Variants in NAV3 observed in about 807,000 individuals in gnomAD.
NAV3 encodes pore membrane and/or filament interacting like protein 1.
A neutral mutation model predicts 244.7 loss-of-function variants in NAV3; 87 were observed. The observed-to-expected ratio is 0.36, with a 90% CI of 0.30 to 0.42. The LOEUF is 0.42. NAV3 is among the 20% of genes least tolerant of loss of function. NAV3 has a pLI of 1.00. For missense variants in NAV3, 2,663 were observed against 2,893.3 expected (o/e 0.92, Z 1.83); for synonymous variants, 1,126 against 1,042.2 (o/e 1.08, Z -1.55).
rs543353920 is a variant in NAV3, at chr12:77,621,688, C to T, written c.72+49422C>T. Reference sequence around the variant, plus strand: ...AGAGACGGGGTTTCACCATGTTGGCCAGAATGGTCTTGATCTCTTGACCTT... The same window carrying T: ...AGAGACGGGGTTTCACCATGTTGGCTAGAATGGTCTTGATCTCTTGACCTT... On this transcript the variant is annotated intron_variant, in intron 2 of 8. Coordinates refer to the NAV3 transcript ENST00000550042. Among the ~76,000 whole-genome samples the T allele has an allele frequency of 1.3e-3, 205 of 152,040 alleles. 1 individual carries two copies. Among genetic ancestry groups the T allele is most frequent in the Middle Eastern group, 0.01 (3 of 294 alleles).
chr12:77,954,948 A>G (rs187101142), intron 3 of NAV3, among the ~76,000 whole-genome samples: 1 of 152,230 alleles, frequency 6.6e-6, no homozygotes, highest in African/African-American at 2.4e-5. Flanking sequence ...ATTAAAGCAC[A>G]CGTTTAGATC....
intron 2 of NAV3, among the ~76,000 whole-genome samples, chr12:77,710,068 T>C (rs1431595157): frequency 6.6e-6 from 1 of 152,166 alleles, no homozygotes; most frequent in African/African-American, 2.4e-5. Context: ...GTCTTAGAAA[T>C]CCACATTTTG....
intron 2 of NAV3, among the ~76,000 whole-genome samples, chr12:77,623,297 G>A (rs542934021): frequency 6.6e-6 from 1 of 152,254 alleles, no homozygotes; most frequent in African/African-American, 2.4e-5. Flanking sequence ...TTTACCCAGT[G>A]TTTCTTAAGG....
chr12:77,711,024 C>G (rs1278826212), intron 2 of NAV3, among the ~76,000 whole-genome samples: 2 of 152,190 alleles, frequency 1.3e-5, no homozygotes, highest in African/African-American at 2.4e-5. Context: ...TGAATTAAAA[C>G]ACTCTTTAAG....
Position 78,177,301 on chromosome 12 carries a change from A to G in NAV3, c.5285A>G (p.Gln1762Arg). ...GGCTCAGCATCCATGAAGCCCTCAC[A>G]ATCTGCTTCAGCGTAAGTTGCTCCT... ...DCGSASMKPS[Q>R]SASASPLVWP... is the part of the protein sequence containing the mutation. The change falls in exon 27 of 40, where the codon CAA becomes CGA. Residue 1762 changes from glutamine (Q) to arginine (R), a missense_variant. Around this residue, in one of 6 missense-constraint regions of NAV3, gnomAD observed 193 missense variants for 200.7 expected, o/e 0.96. Transcript: ENST00000397909. The G allele has an allele frequency of 6.2e-7, 1 of 1,609,488 alleles. No homozygotes were observed. Among genetic ancestry groups the G allele is most frequent in the South Asian group, 1.1e-5 (1 of 89,766 alleles).
chr12:78,078,987 T>G (rs142303244), intron 12 of NAV3, among the ~76,000 whole-genome samples: 92 of 152,360 alleles, frequency 6.0e-4, no homozygotes, highest in African/African-American at 2.1e-3. Context: ...CCACTTGACT[T>G]GGTGATTCCT....
At chr12:77,664,868 C>T (rs991380587) in intron 2 of NAV3, among the ~76,000 whole-genome samples, 1 of 152,120 alleles carries the variant, frequency 6.6e-6, no homozygotes, top group Non-Finnish European at 1.5e-5. Context: ...TGTGACAACA[C>T]ATTATTTTTG....
intron 1 of NAV3, 65 bp downstream of exon 1, chr12:77,831,769 A>G: frequency 6.7e-7 from 1 of 1,497,838 alleles, no homozygotes; most frequent in Non-Finnish European, 8.9e-7. Flanking sequence ...TAAGTGCACT[A>G]TAAAACATGT....
intron 17 of NAV3, among the ~76,000 whole-genome samples, chr12:78,128,277 A>AC (rs1251035389): frequency 1.3e-5 from 2 of 151,508 alleles, no homozygotes; most frequent in Non-Finnish European, 2.9e-5. Context: ...TAAAAAAAAA[A>AC]AAAAACAAAA....
At chr12:78,152,207 C>T (rs2139285837) in intron 22 of NAV3, among the ~76,000 whole-genome samples, 1 of 149,114 alleles carries the variant, frequency 6.7e-6, no homozygotes, top group East Asian at 1.9e-4. Context: ...AATTGAATGA[C>T]AGTCAAAAGG....
At chr12:77,630,930 A>C (rs1319307243) in intron 2 of NAV3, among the ~76,000 whole-genome samples, 1 of 152,164 alleles carries the variant, frequency 6.6e-6, no homozygotes, top group African/African-American at 2.4e-5. Flanking sequence ...TTTGGTGATA[A>C]TTAGTAGTGT....
chr12:77,649,809 A>AT (rs1157603398), intron 2 of NAV3, among the ~76,000 whole-genome samples: 6 of 152,090 alleles, frequency 3.9e-5, no homozygotes, highest in African/African-American at 1.4e-4. Flanking sequence ...GATTTAATCG[A>AT]TTTTTTTAAG....
chr12:78,028,932 A>G (rs1261316390), intron 9 of NAV3, among the ~76,000 whole-genome samples: 1 of 152,204 alleles, frequency 6.6e-6, no homozygotes, highest in African/African-American at 2.4e-5. Flanking sequence ...ACACTTCCTT[A>G]AATAGCATGC....
chr12:78,019,888 A>C (rs565490476), intron 8 of NAV3, among the ~76,000 whole-genome samples: 1 of 152,322 alleles, frequency 6.6e-6, no homozygotes, highest in East Asian at 1.9e-4. Flanking sequence ...AGTTCTATAA[A>C]TGATGGGTTT....
intron 7 of NAV3, among the ~76,000 whole-genome samples, chr12:78,004,276 A>G (rs1566007905): frequency 6.6e-6 from 1 of 152,212 alleles, no homozygotes; most frequent in East Asian, 1.9e-4. Flanking sequence ...GGAATAAAGT[A>G]AGCAGTAGAT....
intron 2 of NAV3, among the ~76,000 whole-genome samples, chr12:77,813,911 A>G (rs1872415952): frequency 6.6e-6 from 1 of 152,178 alleles, no homozygotes; most frequent in Non-Finnish European, 1.5e-5. Flanking sequence ...GCGATTTTTA[A>G]AAGTAAACCT....
intron 2 of NAV3, among the ~76,000 whole-genome samples, chr12:77,761,186 G>A (rs532670521): frequency 1.3e-5 from 2 of 152,246 alleles, no homozygotes; most frequent in South Asian, 4.1e-4. Flanking sequence ...AGCCTCCCGA[G>A]TAGCTGGGAT....
At chr12:77,585,929 G>A (rs200686334) in intron 2 of NAV3, among the ~76,000 whole-genome samples, 5 of 152,316 alleles carry the variant, frequency 3.3e-5, no homozygotes, top group East Asian at 3.9e-4. Flanking sequence ...TTGGGAGGCC[G>A]AGGCAGAAGG....
In NAV3 at chr12:78,146,166, G is replaced by A. The variant is rs74107129; in HGVS notation, c.4684-203G>A. ...GACCTATATTTTAAGAATACCTTATGGTTTATATATTAAGAAACATTTATA... is the reference window on the plus strand; with the variant it reads ...GACCTATATTTTAAGAATACCTTATAGTTTATATATTAAGAAACATTTATA... On this transcript the variant is annotated intron_variant, in intron 20 of 39. Transcript: ENST00000397909. Among the ~76,000 whole-genome samples, 528 of 151,874 alleles carry A rather than the reference G, an allele frequency of 3.5e-3. 5 individuals carry two copies. Among genetic ancestry groups the A allele is most frequent in the African/African-American group, 0.012 (483 of 41,460 alleles).
Sources: gnomAD v4.1 joint callset for allele counts (sites outside exome capture counted in the v4.1 genomes callset) on GRCh38, gnomAD v4.1.1 for gene constraint, gnomAD v4.1.1 regional missense constraint, MANE v1.5 for transcripts, NCBI Gene and HGNC (gene_info 2026-07-23, HGNC 2026-07-21) for gene names.